Variants in CNTN5 observed in about 807,000 individuals in gnomAD.
The protein encoded by CNTN5 is contactin-5.
CNTN5 carries 77 observed loss-of-function variants against 129.1 expected under a neutral mutation model. The observed-to-expected ratio is 0.60, with a 90% confidence interval of 0.50 to 0.72. The LOEUF is 0.72. Among genes scored for constraint, CNTN5 ranks in the 30% least tolerant of loss-of-function variants. CNTN5 has a pLI of 0.00. For missense variants in CNTN5, 1,478 were observed against 1,328.8 expected (o/e 1.11, Z -1.75); for synonymous variants, 509 against 465.6 (o/e 1.09, Z -1.20).
At chr11:99,109,957 A>T (rs1431952000) in intron 1 of CNTN5, among the ~76,000 whole-genome samples, 7 of 152,128 alleles carry the variant, frequency 4.6e-5, no homozygotes, top group Admixed American at 4.6e-4. Flanking sequence ...TTATCATGAT[A>T]AGTGCTGAAT....
intron 3 of CNTN5, among the ~76,000 whole-genome samples, chr11:99,752,294 T>C (rs1944261313): frequency 6.6e-6 from 1 of 152,232 alleles, no homozygotes; most frequent in Admixed American, 6.5e-5. Flanking sequence ...CATTTCTCTA[T>C]GATGTACCTA....
At chr11:99,453,283 A>C (rs1944377695) in intron 2 of CNTN5, among the ~76,000 whole-genome samples, 1 of 152,178 alleles carries the variant, frequency 6.6e-6, no homozygotes, top group Admixed American at 6.5e-5. Flanking sequence ...CTAATCGTAT[A>C]ACAATTGAGG....
chr11:100,181,173 A>G (rs1048281948), intron 13 of CNTN5, among the ~76,000 whole-genome samples: 4 of 152,024 alleles, frequency 2.6e-5, no homozygotes, highest in African/African-American at 9.7e-5. Context: ...CAATAGCTGA[A>G]TGGTTAAGCA....
chr11:99,184,787 T>A (rs56366657), intron 1 of CNTN5, among the ~76,000 whole-genome samples: 33,193 of 151,910 alleles, frequency 0.22, 3,734 homozygotes, highest in Middle Eastern at 0.27. Context: ...GGTTGGAAAA[T>A]AATATCCCAG....
chr11:99,223,756 C>T (rs543571386), intron 1 of CNTN5, among the ~76,000 whole-genome samples: 95 of 152,230 alleles, frequency 6.2e-4, no homozygotes, highest in African/African-American at 2.2e-3. Context: ...GAAAATCTAC[C>T]CTCTAAAGCT....
intron 3 of CNTN5, among the ~76,000 whole-genome samples, chr11:99,783,012 A>G (rs1036045140): frequency 1.3e-5 from 2 of 151,096 alleles, no homozygotes; most frequent in Non-Finnish European, 2.9e-5. Context: ...ACAGCAAAAG[A>G]AACTACCATC....
At chr11:99,617,383 A>T in intron 3 of CNTN5, among the ~76,000 whole-genome samples, 1 of 152,240 alleles carries the variant, frequency 6.6e-6, no homozygotes, top group African/African-American at 2.4e-5. Flanking sequence ...ATTTTCAAGG[A>T]ATATTAGTGC....
intron 9 of CNTN5, among the ~76,000 whole-genome samples, chr11:100,046,503 C>T (rs1942684026): frequency 6.6e-6 from 1 of 151,982 alleles, no homozygotes; most frequent in Admixed American, 6.6e-5. Flanking sequence ...GCTAAGATTG[C>T]ATTATGACAT....
intron 3 of CNTN5, among the ~76,000 whole-genome samples, chr11:99,559,760 T>C (rs1322375563): frequency 6.6e-6 from 1 of 152,292 alleles, no homozygotes; most frequent in East Asian, 1.9e-4. Context: ...TATAAGCGTT[T>C]ACCAGAGATT....
intron 3 of CNTN5, among the ~76,000 whole-genome samples, chr11:99,708,901 C>T (rs554610692): frequency 6.6e-6 from 1 of 151,872 alleles, no homozygotes; most frequent in East Asian, 2.0e-4. Context: ...CTAGTCCTGT[C>T]CCCTCTACAC....
At chr11:100,206,614 C>T (rs1223150833) in intron 15 of CNTN5, among the ~76,000 whole-genome samples, 2 of 152,030 alleles carry the variant, frequency 1.3e-5, no homozygotes, top group African/African-American at 4.8e-5. Context: ...AACTGTAACA[C>T]TCAATTTTTA....
chr11:99,804,343 CA>C (rs1033723521), intron 3 of CNTN5, among the ~76,000 whole-genome samples: 46 of 151,968 alleles, frequency 3.0e-4, no homozygotes, highest in Admixed American at 5.9e-4. Context: ...TCAACTCAGT[CA>C]GTTAACAAAA....
At position 100,308,390 on chromosome 11, in the gene CNTN5, G is replaced by A. The variant is rs201538528; in HGVS notation, c.2652G>A (p.Ala884=). The stretch of plus-strand genomic sequence containing the variant: ...GTGCTGCTCCCACAGATGTCAAGGC[G>A]ACAAGTGTGTCTGTGTCAGAGATTC... ...EPSAAPTDVK[A]TSVSVSEILV... The change falls in exon 21 of 25, where the codon GCG becomes GCA. Residue 884 remains alanine (A), a synonymous_variant. Transcript: ENST00000524871. 248 of 1,610,770 alleles carry A rather than the reference G, an allele frequency of 1.5e-4. 2 individuals carry two copies. In the South Asian group the frequency reaches 1.7e-3, roughly 11 times the overall value.
At chr11:99,179,881 C>T (rs1261657659) in intron 1 of CNTN5, among the ~76,000 whole-genome samples, 1 of 152,142 alleles carries the variant, frequency 6.6e-6, no homozygotes, top group Non-Finnish European at 1.5e-5. Context: ...GAACTCATAT[C>T]CTTCAAACAT....
chr11:99,845,435 G>T (rs959428620), intron 6 of CNTN5, among the ~76,000 whole-genome samples, 173 bp downstream of exon 6: 2 of 143,948 alleles, frequency 1.4e-5, no homozygotes, highest in Non-Finnish European at 3.0e-5. Context: ...TGCAGTGGCG[G>T]GATCTCGGCT....
intron 3 of CNTN5, among the ~76,000 whole-genome samples, chr11:99,730,526 A>G (rs1161149197): frequency 6.6e-6 from 1 of 152,208 alleles, no homozygotes; most frequent in Non-Finnish European, 1.5e-5. Context: ...TCATTCAATG[A>G]GTATTGGTAA....
chr11:99,382,745 G>A (rs1308291845), intron 2 of CNTN5, among the ~76,000 whole-genome samples: 3 of 148,958 alleles, frequency 2.0e-5, no homozygotes, highest in African/African-American at 7.4e-5. Flanking sequence ...TATGGGAGGA[G>A]AGGTTCTTCC....
intron 21 of CNTN5, among the ~76,000 whole-genome samples, chr11:100,319,762 T>C (rs1014008784): frequency 8.5e-5 from 13 of 152,190 alleles, no homozygotes; most frequent in Non-Finnish European, 1.5e-5. Flanking sequence ...TTTTATGAGA[T>C]CAACTTTCTT....
At chr11:99,365,083 A>G (rs1041022109) in intron 2 of CNTN5, among the ~76,000 whole-genome samples, 1 of 152,100 alleles carries the variant, frequency 6.6e-6, no homozygotes, top group African/African-American at 2.4e-5. Flanking sequence ...AGTGACATGA[A>G]AGTTAAGAGC....
Sources: allele counts gnomAD v4.1 joint callset (sites outside exome capture counted in the v4.1 genomes callset), GRCh38; gene constraint gnomAD v4.1.1; transcripts MANE v1.5; gene names NCBI Gene and HGNC (gene_info 2026-07-23, HGNC 2026-07-21).